TMPRSS15: variants seen among roughly 807,000 people sequenced by gnomAD.
TMPRSS15 encodes transmembrane serine protease 15, also known as enteropeptidase.
Under a neutral mutation model 125.3 loss-of-function variants are expected in TMPRSS15, and 128 were observed. That is an observed-to-expected ratio of 1.02 (90% CI 0.89 to 1.18). The LOEUF (loss-of-function observed/expected upper bound fraction) is 1.18. TMPRSS15 is among the 50% of genes most tolerant of loss of function. TMPRSS15 has a pLI of 0.00. For missense variants in TMPRSS15, 1,283 were observed against 1,212.7 expected, an observed-to-expected ratio of 1.06 and a Z score of -0.86; for synonymous variants, 446 against 423.2, an observed-to-expected ratio of 1.05 and a Z score of -0.66.
chr21:18,292,122 G>A (rs1260769638), intron 21 of TMPRSS15, among the ~76,000 whole-genome samples: 4 of 152,250 alleles, frequency 2.6e-5, no homozygotes, highest in East Asian at 1.9e-4. Flanking sequence ...AGATAATTAT[G>A]CTTTGATGTA....
intron 5 of TMPRSS15, among the ~76,000 whole-genome samples, chr21:18,374,204 T>C (rs1217775317): frequency 2.6e-5 from 4 of 152,186 alleles, no homozygotes; most frequent in East Asian, 3.9e-4. Flanking sequence ...CCGGGCGCGG[T>C]GGCTCACGCC....
intron 22 of TMPRSS15, among the ~76,000 whole-genome samples, 158 bp from the exon 23 acceptor site, chr21:18,279,217 T>C (rs1364354674): frequency 2.0e-5 from 3 of 150,836 alleles, no homozygotes; most frequent in Admixed American, 6.6e-5. Context: ...ACATCGGTCT[T>C]AGGGGAAATA....
chr21:18,278,899 T>C, intron 23 of TMPRSS15, 65 bp downstream of exon 23: 1 of 863,752 alleles, frequency 1.2e-6, no homozygotes, highest in Non-Finnish European at 1.9e-6. Flanking sequence ...CAGGATATTA[T>C]GACAGTCTGT....
At chr21:18,387,805 T>C (rs2075958637) in intron 3 of TMPRSS15, among the ~76,000 whole-genome samples, 1 of 152,144 alleles carries the variant, frequency 6.6e-6, no homozygotes, top group African/African-American at 2.4e-5. Flanking sequence ...AATTAAAATC[T>C]ATAACAAAAA....
chr21:18,480,049 T>C (rs961163314), intron 1 of TMPRSS15, among the ~76,000 whole-genome samples: 2 of 151,996 alleles, frequency 1.3e-5, no homozygotes, highest in African/African-American at 4.8e-5. Flanking sequence ...CATGGAATAC[T>C]ATGCAGCCAT....
At chr21:18,437,046 A>G (rs1223071687) in intron 1 of TMPRSS15, among the ~76,000 whole-genome samples, 2 of 147,000 alleles carry the variant, frequency 1.4e-5, no homozygotes, top group African/African-American at 2.5e-5. Flanking sequence ...AACAAAGCTG[A>G]AGGCATCATG....
At chr21:18,406,482 T>C (rs536568473), upstream of TMPRSS15, among the ~76,000 whole-genome samples, 13 of 152,178 alleles carry the variant, frequency 8.5e-5, no homozygotes, top group South Asian at 2.5e-3. Context: ...AGATTTTCTA[T>C]TGACTAACAG....
At chr21:18,422,284 C>T (rs1347836838) in intron 1 of TMPRSS15, among the ~76,000 whole-genome samples, 1 of 151,896 alleles carries the variant, frequency 6.6e-6, no homozygotes, top group East Asian at 1.9e-4. Flanking sequence ...CCACCCCCAG[C>T]CCTGAAGGCA....
At chr21:18,438,763 G>T (rs1421223336) in intron 1 of TMPRSS15, among the ~76,000 whole-genome samples, 1 of 152,178 alleles carries the variant, frequency 6.6e-6, no homozygotes, top group Non-Finnish European at 1.5e-5. Context: ...TATATGCAAA[G>T]TGTATATGCT....
intron 1 of TMPRSS15, among the ~76,000 whole-genome samples, chr21:18,443,015 A>G (rs773752640): frequency 3.3e-5 from 5 of 152,152 alleles, no homozygotes; most frequent in Admixed American, 6.5e-5. Context: ...CCTTGAATTA[A>G]GTTCAAATAT....
At chr21:18,449,896 CACA>C (rs775932034) in intron 1 of TMPRSS15, among the ~76,000 whole-genome samples, 2 of 151,654 alleles carry the variant, frequency 1.3e-5, no homozygotes, top group African/African-American at 4.8e-5. Context: ...CACACACACA[CACA>C]CCTATATAAA....
At chr21:18,343,821 A>T (rs2075476313) in intron 11 of TMPRSS15, 134 bp downstream of exon 11, 2 of 1,141,436 alleles carry the variant, frequency 1.8e-6, no homozygotes, top group African/African-American at 3.1e-5. Context: ...TTTATTGCTT[A>T]TCAGTTGGGA....
At chr21:18,361,610 C>T (rs1267069917) in intron 7 of TMPRSS15, among the ~76,000 whole-genome samples, 1 of 152,098 alleles carries the variant, frequency 6.6e-6, no homozygotes, top group Non-Finnish European at 1.5e-5. Flanking sequence ...GGACATTCTT[C>T]ACAGAGTTAG....
chr21:18,485,363 G>C (rs568610367), intron 1 of TMPRSS15, among the ~76,000 whole-genome samples: 6 of 151,916 alleles, frequency 3.9e-5, no homozygotes, highest in African/African-American at 1.4e-4. Flanking sequence ...GAAAAGACGA[G>C]GTGATAGTAA....
intron 3 of TMPRSS15, among the ~76,000 whole-genome samples, chr21:18,392,735 G>A (rs1241629316): frequency 6.6e-6 from 1 of 152,152 alleles, no homozygotes; most frequent in East Asian, 1.9e-4. Flanking sequence ...AAGTTTAATT[G>A]ACTCACAGTT....
chr21:18,390,007 C>T (rs1015472377), intron 3 of TMPRSS15, among the ~76,000 whole-genome samples: 3 of 152,182 alleles, frequency 2.0e-5, no homozygotes. Flanking sequence ...TTAGCACATT[C>T]ATGATGTCTC....
At chr21:18,300,020 C>T (rs148679480) in intron 18 of TMPRSS15, among the ~76,000 whole-genome samples, 75 of 152,210 alleles carry the variant, frequency 4.9e-4, no homozygotes, top group African/African-American at 1.7e-3. Flanking sequence ...ATCTGTTTTA[C>T]GGCACTCATG....
intron 18 of TMPRSS15, among the ~76,000 whole-genome samples, chr21:18,301,871 A>G (rs766799098): frequency 7.9e-5 from 12 of 152,194 alleles, no homozygotes; most frequent in Non-Finnish European, 1.3e-4. Context: ...CATGTGAGAA[A>G]AGAAGCATAT....
At chr21:18,354,700 G>A (rs1189665210) in intron 8 of TMPRSS15, among the ~76,000 whole-genome samples, 3 of 151,584 alleles carry the variant, frequency 2.0e-5, no homozygotes, top group African/African-American at 7.3e-5. Context: ...AGACTTTCAC[G>A]AGGAGCTGTT....
Sources: gnomAD v4.1 joint callset for allele counts (sites outside exome capture counted in the v4.1 genomes callset) on GRCh38, gnomAD v4.1.1 for gene constraint, MANE v1.5 for transcripts, NCBI Gene and HGNC (gene_info 2026-07-23, HGNC 2026-07-21) for gene names.